The following WDR70 variants were observed in gnomAD, a reference collection of about 807,000 sequenced individuals.
WDR70 encodes WD repeat domain 70, also known as WD repeat-containing protein 70.
Under a neutral mutation model 88.6 loss-of-function variants are expected in WDR70, and 53 were observed. The observed-to-expected ratio is 0.60, with a 90% CI of 0.48 to 0.75. The LOEUF (loss-of-function observed/expected upper bound fraction) is 0.75, where lower values mean the gene tolerates loss of function less well. WDR70 is among the 30% of genes least tolerant of loss of function. The pLI is 0.00. For missense variants in WDR70, 610 were observed against 823.2 expected, an observed-to-expected ratio of 0.74 and a Z score of 3.17; for synonymous variants, 280 against 270.0, an observed-to-expected ratio of 1.04 and a Z score of -0.36.
At chr5:37,404,294 A>G (rs1749287194) in intron 5 of WDR70, among the ~76,000 whole-genome samples, 1 of 152,164 alleles carries the variant, frequency 6.6e-6, no homozygotes, top group Non-Finnish European at 1.5e-5. Context: ...GCAGATTATG[A>G]TCTGAGTCAT....
intron 17 of WDR70, among the ~76,000 whole-genome samples, chr5:37,744,107 C>A (rs939253133): frequency 3.3e-5 from 5 of 152,196 alleles, no homozygotes; most frequent in African/African-American, 1.2e-4. Flanking sequence ...TGAGTGACAT[C>A]TCCAGGCATG....
intron 10 of WDR70, among the ~76,000 whole-genome samples, chr5:37,614,938 G>A (rs1032396425): frequency 3.3e-5 from 5 of 151,902 alleles, no homozygotes; most frequent in East Asian, 1.9e-4. Context: ...CTCTCTAAGA[G>A]TATAATTGAT....
At chr5:37,660,388 A>G (rs948901713) in intron 10 of WDR70, among the ~76,000 whole-genome samples, 2 of 151,446 alleles carry the variant, frequency 1.3e-5, no homozygotes, top group South Asian at 2.1e-4. Context: ...TATTTTATCA[A>G]TTACTGAGAG....
intron 17 of WDR70, among the ~76,000 whole-genome samples, chr5:37,747,643 C>A (rs1748671575): frequency 6.6e-6 from 1 of 152,134 alleles, no homozygotes. Flanking sequence ...ATTGGAAATT[C>A]TGGCTGGGGC....
chr5:37,713,233 C>T (rs980413116), intron 13 of WDR70, among the ~76,000 whole-genome samples: 1 of 152,050 alleles, frequency 6.6e-6, no homozygotes, highest in Non-Finnish European at 1.5e-5. Flanking sequence ...TTAGACTTCG[C>T]GAGCAAAAGA....
intron 5 of WDR70, among the ~76,000 whole-genome samples, chr5:37,424,508 G>A (rs1750061277): frequency 6.6e-6 from 1 of 151,358 alleles, no homozygotes. Flanking sequence ...AGGCTCAAGT[G>A]ATCCTTCCAC....
intron 10 of WDR70, among the ~76,000 whole-genome samples, chr5:37,673,746 C>T (rs983969238): frequency 7.9e-5 from 12 of 152,026 alleles, no homozygotes; most frequent in African/African-American, 2.9e-4. Context: ...ATTAGCTATT[C>T]TTCCCGATTC....
At chr5:37,528,887 C>T (rs1366311507) in intron 9 of WDR70, among the ~76,000 whole-genome samples, 3 of 143,558 alleles carry the variant, frequency 2.1e-5, no homozygotes, top group African/African-American at 7.6e-5. Flanking sequence ...AAGTCTTTGC[C>T]TAAGCCAATG....
At chr5:37,542,265 TTTC>T (rs936266699) in intron 9 of WDR70, among the ~76,000 whole-genome samples, 26 of 150,596 alleles carry the variant, frequency 1.7e-4, no homozygotes, top group African/African-American at 5.6e-4. Context: ...GCTTTAGTTT[TTTC>T]TTCTTCTTCT....
chr5:37,586,594 T>A (rs996332454), intron 9 of WDR70, among the ~76,000 whole-genome samples: 1 of 151,908 alleles, frequency 6.6e-6, no homozygotes, highest in Non-Finnish European at 1.5e-5. Context: ...AAGTGTGTGA[T>A]GTTCCCCTCC....
chr5:37,538,287 A>G (rs1360178166), intron 9 of WDR70, among the ~76,000 whole-genome samples: 2 of 152,214 alleles, frequency 1.3e-5, no homozygotes, highest in African/African-American at 2.4e-5. Context: ...TACTATGACC[A>G]TGGTGTAGAT....
At chr5:37,493,997 T>G (rs1467352264) in intron 8 of WDR70, among the ~76,000 whole-genome samples, 1 of 152,048 alleles carries the variant, frequency 6.6e-6, no homozygotes, top group African/African-American at 2.4e-5. Flanking sequence ...TTTTGTATTT[T>G]TATTAGAGAT....
chr5:37,443,227 T>G lies in WDR70; in HGVS notation c.553-12T>G, dbSNP rs1738333081. 1 of 1,590,480 alleles carries G rather than the reference T, an allele frequency of 6.3e-7. No individual in the cohort carries two copies. The highest frequency in any genetic ancestry group is 1.8e-5 in the Admixed American group (1 of 55,966). On this transcript the variant is annotated splice_polypyrimidine_tract_variant and intron_variant, in intron 6 of 17. Transcript: ENST00000265107. Reference sequence around the variant, plus strand: ...TTGCTCCGGTCATTTTATTTTATTTTTTTAAAACCAGGTGTCTGCTTTGGG... The same window carrying G: ...TTGCTCCGGTCATTTTATTTTATTTGTTTAAAACCAGGTGTCTGCTTTGGG...
rs376820415 is a variant in WDR70 at position 37,698,517 on chromosome 5, G to A, written c.1192+763G>A. Among the ~76,000 whole-genome samples, 155 of 152,282 alleles carry A rather than the reference G, an allele frequency of 1.0e-3. 2 individuals carry two copies. The South Asian group carries it at 0.031, about 31-fold the overall frequency. ...ATACTAATAGCATGGTTAAGTAGAT[G>A]GGAACTATGCTACAGAGGGCCTTTA... On this transcript the variant is annotated intron_variant, in intron 11 of 17. Coordinates refer to ENST00000265107, the MANE Select transcript of WDR70 (RefSeq NM_018034.4).
At chr5:37,450,631 A>G (rs1208456999) in intron 7 of WDR70, among the ~76,000 whole-genome samples, 3 of 152,208 alleles carry the variant, frequency 2.0e-5, no homozygotes, top group Non-Finnish European at 4.4e-5. Flanking sequence ...TGTTAATTGT[A>G]CCTGTGTTCC....
intron 9 of WDR70, among the ~76,000 whole-genome samples, chr5:37,538,229 T>C (rs1031634766): frequency 2.6e-5 from 4 of 152,178 alleles, no homozygotes; most frequent in East Asian, 3.8e-4. Flanking sequence ...TTTCTATCTC[T>C]CCTCTCCTGC....
chr5:37,673,887 G>T (rs1210546401), intron 10 of WDR70, among the ~76,000 whole-genome samples: 2 of 152,006 alleles, frequency 1.3e-5, no homozygotes, highest in Middle Eastern at 6.8e-3. Context: ...CTGTTCCTGC[G>T]TTAGTTTGCT....
chr5:37,443,578 C>T (rs556583597), intron 7 of WDR70, among the ~76,000 whole-genome samples: 4 of 152,270 alleles, frequency 2.6e-5, no homozygotes, highest in Admixed American at 1.3e-4. Flanking sequence ...TTAGGCTGGG[C>T]GCGGTGGCTC....
intron 7 of WDR70, among the ~76,000 whole-genome samples, chr5:37,469,290 A>G (rs1229660100): frequency 1.3e-5 from 2 of 152,190 alleles, no homozygotes; most frequent in Admixed American, 6.5e-5. Context: ...TCCTGCTGAT[A>G]CAGGACCAAA....
Sources: gnomAD v4.1 joint callset for allele counts (sites outside exome capture counted in the v4.1 genomes callset) on GRCh38, gnomAD v4.1.1 for gene constraint, MANE v1.5 for transcripts, NCBI Gene and HGNC (gene_info 2026-07-23, HGNC 2026-07-21) for gene names.